Variants in ZNF43 observed in about 807,000 individuals in gnomAD.
ZNF43 encodes zinc finger protein 43, also known as zinc finger protein 39-like 1 (KOX 27).
In ZNF43, 44 loss-of-function variants were observed where a neutral mutation model predicts 68.4. That is an observed-to-expected ratio of 0.64 (90% CI 0.51 to 0.83). The LOEUF (loss-of-function observed/expected upper bound fraction) is 0.83. Among genes scored for constraint, ZNF43 ranks in the 40% least tolerant of loss-of-function variants. The probability of loss-of-function intolerance (pLI) is 0.00; values close to 1 mark genes in which losing one functional copy is unlikely to be tolerated. For missense variants in ZNF43, 896 were observed against 933.2 expected (o/e 0.96, Z 0.52); for synonymous variants, 308 against 307.8 (o/e 1.00, Z -0.01).
Position 21,836,096 on chromosome 19 carries a change from T to A in ZNF43, c.-58A>T. 2.5e-6 allele frequency: 4 copies of A among 1,612,306 alleles called. No individual in the cohort carries two copies. The highest frequency in any genetic ancestry group is 3.4e-6 in the Non-Finnish European group (4 of 1,178,874). On this transcript the variant is annotated 5_prime_UTR_variant, in exon 1 of 4. Transcript: ENST00000354959. ...CTGTGGATCCCCCAATACCCGCAGGTCACAGAGCCACAGAGGCTGGACCTC... is the reference window on the plus strand; with the variant it reads ...CTGTGGATCCCCCAATACCCGCAGGACACAGAGCCACAGAGGCTGGACCTC...
chr19:21,848,592 G>A (rs1968122595), intron 1 of ZNF43, among the ~76,000 whole-genome samples: 1 of 152,172 alleles, frequency 6.6e-6, no homozygotes, highest in African/African-American at 2.4e-5. Context: ...AAAGAGGAGA[G>A]TCATATCACC....
chr19:21,829,077 T>A (rs905926453), intron 1 of ZNF43, among the ~76,000 whole-genome samples: 1 of 128,956 alleles, frequency 7.8e-6, no homozygotes, highest in South Asian at 2.6e-4. Context: ...TAGCCGGACG[T>A]GGTGGCACGT....
At chr19:21,830,871 G>A (rs552609831) in intron 1 of ZNF43, among the ~76,000 whole-genome samples, 2 of 152,174 alleles carry the variant, frequency 1.3e-5, no homozygotes, top group East Asian at 3.9e-4. Context: ...CTGGCAAACT[G>A]AATCCAGCAG....
chr19:21,849,199 G>A (rs965961458), intron 1 of ZNF43, among the ~76,000 whole-genome samples: 3 of 152,002 alleles, frequency 2.0e-5, no homozygotes, highest in Admixed American at 2.0e-4. Flanking sequence ...TCAAAACAGT[G>A]GTAATTTGGC....
intron 3 of ZNF43, among the ~76,000 whole-genome samples, 200 bp downstream of exon 3, chr19:21,817,688 G>T (rs374959731): frequency 1.3e-5 from 2 of 152,246 alleles, no homozygotes; most frequent in South Asian, 2.1e-4. Flanking sequence ...ATCACCGAAG[G>T]GAAATAAGAA....
chr19:21,816,253 T>C lies in ZNF43; in HGVS notation c.229+1635A>G, dbSNP rs914601823. On this transcript the variant is annotated intron_variant, in intron 3 of 3. Coordinates refer to ENST00000354959, the MANE Select transcript of ZNF43 (RefSeq NM_003423.4). ...CATGGCTCACACTTGCAATGACAGCTACACGGTACATTGAGGTAGGAGAAT... is the reference window on the plus strand; with the variant it reads ...CATGGCTCACACTTGCAATGACAGCCACACGGTACATTGAGGTAGGAGAAT... Among the ~76,000 whole-genome samples, 10 of 152,078 alleles carry C rather than the reference T, an allele frequency of 6.6e-5. No individual in the cohort carries two copies. The East Asian group carries it at 1.9e-3, about 29-fold the overall frequency.
At chr19:21,835,933 G>C in intron 1 of ZNF43, 103 bp downstream of exon 1, 1 of 1,589,544 alleles carries the variant, frequency 6.3e-7, no homozygotes, top group Non-Finnish European at 8.6e-7. Context: ...GGCCGAGCTG[G>C]GCAAGAACTC....
chr19:21,818,104 T>C (rs2037618602), intron 2 of ZNF43, 118 bp from the exon 3 acceptor site: 5 of 1,140,962 alleles, frequency 4.4e-6, no homozygotes, highest in East Asian at 2.8e-5. Flanking sequence ...CCCAAAATAC[T>C]AATTTTTTTT....
Position 21,808,310 on chromosome 19 carries a change from G to A in ZNF43, c.1727C>T (p.Thr576Ile). 1 of 1,561,732 alleles carries A rather than the reference G, an allele frequency of 6.4e-7. No individual in the cohort carries two copies. Among genetic ancestry groups the A allele is most frequent in the Non-Finnish European group, 8.7e-7 (1 of 1,154,358 alleles). Reference sequence around the variant, plus strand: ...ATGTGTAGTAAGGTTTGAGGATTGGGTAAAAGCTTTGCCACATTCTTCACA... The same window carrying A: ...ATGTGTAGTAAGGTTTGAGGATTGGATAAAAGCTTTGCCACATTCTTCACA... ...YKCEECGKAF[T>I]QSSNLTTHKK... is the part of the protein sequence containing the mutation. The change falls in exon 4 of 4, where the codon ACC becomes ATC. Residue 576 changes from threonine to isoleucine, a missense_variant. Coordinates refer to ENST00000354959, the MANE Select transcript of ZNF43 (RefSeq NM_003423.4).
intron 1 of ZNF43, among the ~76,000 whole-genome samples, chr19:21,831,184 C>T (rs549770346): frequency 3.9e-5 from 6 of 152,138 alleles, no homozygotes; most frequent in Non-Finnish European, 7.3e-5. Flanking sequence ...TCTTTGAAAA[C>T]TGGCACAAGA....
At chr19:21,818,034 A>G (rs2037615547) in intron 2 of ZNF43, 48 bp from the exon 3 acceptor site, 1 of 1,539,720 alleles carries the variant, frequency 6.5e-7, no homozygotes, top group Admixed American at 1.7e-5. Context: ...ATATTCTCCC[A>G]TTATTAACCT....
At chr19:21,830,076 C>G (rs1378754023) in intron 1 of ZNF43, among the ~76,000 whole-genome samples, 2 of 151,818 alleles carry the variant, frequency 1.3e-5, no homozygotes, top group Non-Finnish European at 2.9e-5. Context: ...AATAGTGAAA[C>G]CCGGTCTCTA....
chr19:21,846,273 A>T (rs1174990831), intron 1 of ZNF43, among the ~76,000 whole-genome samples: 1 of 152,058 alleles, frequency 6.6e-6, no homozygotes, highest in African/African-American at 2.4e-5. Flanking sequence ...CTTACTGTGG[A>T]CAGATTCAGA....
chr19:21,809,747 T>C lies in ZNF43; in HGVS notation c.290A>G (p.Gln97Arg). Residue 97 changes from glutamine (Q) to arginine (R), a missense_variant, in exon 4 of 4, where the codon CAA becomes CGA. Transcript: ENST00000354959. Reference sequence around the variant, plus strand: ...TTTATATCTTCTCAGTGTCGCTTTTTGGAAAGGATCTTTTATATGCTGCTC... The same window carrying C: ...TTTATATCTTCTCAGTGTCGCTTTTCGGAAAGGATCTTTTATATGCTGCTC... ...WPEQHIKDPF[Q>R]KATLRRYKNC... 3 of 1,605,182 alleles carry C rather than the reference T, an allele frequency of 1.9e-6. No individual in the cohort carries two copies. The highest frequency in any genetic ancestry group is 2.5e-6 in the Non-Finnish European group (3 of 1,177,778).
Position 21,809,087 on chromosome 19 carries a change from T to C in ZNF43, c.950A>G (p.Glu317Gly). The part of the protein sequence containing the change: ...IHPGEKPYKC[E>G]ECGKAFNWPS... ...CCAGTTAAAGGCTTTGCCACATTCTTCACATTTGTAAGGTTTCTCTCCAGG... is the reference window on the plus strand; with the variant it reads ...CCAGTTAAAGGCTTTGCCACATTCTCCACATTTGTAAGGTTTCTCTCCAGG... The change falls in exon 4 of 4, where the codon GAA becomes GGA. Residue 317 changes from glutamate (E) to glycine (G), a missense_variant. Coordinates refer to ENST00000354959, the MANE Select transcript of ZNF43 (RefSeq NM_003423.4). 1 of 1,613,590 alleles carries C rather than the reference T, an allele frequency of 6.2e-7. No homozygotes were observed. Among genetic ancestry groups the C allele is most frequent in the Non-Finnish European group, 8.5e-7 (1 of 1,179,890 alleles).
chr19:21,836,196 C>T, upstream of ZNF43: 1 of 1,516,474 alleles, frequency 6.6e-7, no homozygotes, highest in South Asian at 1.3e-5. Context: ...GGCCCCGCCA[C>T]ATCCCGGAAG....
chr19:21,851,798 G>T, intron 1 of ZNF43: 1 of 1,248,780 alleles, frequency 8.0e-7, no homozygotes, highest in Non-Finnish European at 1.1e-6. Flanking sequence ...GGCCTGGGGC[G>T]GAGCTGCGCC....
chr19:21,849,032 C>G (rs976752903), intron 1 of ZNF43, among the ~76,000 whole-genome samples: 7 of 152,188 alleles, frequency 4.6e-5, no homozygotes, highest in African/African-American at 1.7e-4. Context: ...TGGACTGTGT[C>G]TGTGCATGAG....
chr19:21,817,297 G>C (rs566279415), intron 3 of ZNF43, among the ~76,000 whole-genome samples: 1 of 151,452 alleles, frequency 6.6e-6, no homozygotes, highest in African/African-American at 2.4e-5. Context: ...ATTCCAGTGG[G>C]ATTTTTTTCA....
Sources: gnomAD v4.1 joint callset for allele counts (sites outside exome capture counted in the v4.1 genomes callset) on GRCh38, gnomAD v4.1.1 for gene constraint, MANE v1.5 for transcripts, NCBI Gene and HGNC (gene_info 2026-07-23, HGNC 2026-07-21) for gene names.